Variants in SMAD3 observed in about 807,000 individuals in gnomAD.
SMAD3 encodes SMAD family member 3.
In SMAD3, 12 loss-of-function variants were observed where a neutral mutation model predicts 51.8. The observed-to-expected ratio is 0.23, with a 90% CI of 0.15 to 0.38. The LOEUF is 0.38. Ranked by LOEUF, SMAD3 falls within the 10% of genes least tolerant of loss-of-function variation. The probability of loss-of-function intolerance (pLI) is 1.00; values close to 1 mark genes in which losing one functional copy is unlikely to be tolerated. For missense variants in SMAD3, 294 were observed against 565.6 expected, an observed-to-expected ratio of 0.52 and a Z score of 4.87; for synonymous variants, 238 against 227.7, an observed-to-expected ratio of 1.05 and a Z score of -0.41.
At chr15:67,090,444 C>T (rs967938499) in intron 1 of SMAD3, among the ~76,000 whole-genome samples, 10 of 152,130 alleles carry the variant, frequency 6.6e-5, no homozygotes, top group African/African-American at 2.4e-4. Context: ...TCTAGCCCAA[C>T]CCCATCATTG....
At chr15:67,171,345 G>A (rs1962747298) in intron 5 of SMAD3, among the ~76,000 whole-genome samples, 2 of 152,186 alleles carry the variant, frequency 1.3e-5, no homozygotes, top group South Asian at 4.1e-4. Context: ...TGCTGGGTCA[G>A]TTTTTCCAAG....
At chr15:67,071,052 G>T (rs759403614) in intron 1 of SMAD3, among the ~76,000 whole-genome samples, 3 of 152,306 alleles carry the variant, frequency 2.0e-5, no homozygotes, top group Non-Finnish European at 4.4e-5. Context: ...TCCCTGTCTA[G>T]AGCGGGAGAC....
At chr15:67,178,200 T>G (rs1490196151) in intron 5 of SMAD3, among the ~76,000 whole-genome samples, 1 of 152,194 alleles carries the variant, frequency 6.6e-6, no homozygotes, top group African/African-American at 2.4e-5. Context: ...TGTCTTTGAT[T>G]CTGAGGGTCC....
intron 1 of SMAD3, among the ~76,000 whole-genome samples, chr15:67,077,800 C>T (rs1173077756): frequency 6.6e-6 from 1 of 152,132 alleles, no homozygotes; most frequent in Non-Finnish European, 1.5e-5. Flanking sequence ...GAAGGCAAGA[C>T]AGTTTAGGGT....
At chr15:67,083,483 C>A (rs1420121955) in intron 1 of SMAD3, among the ~76,000 whole-genome samples, 1 of 152,184 alleles carries the variant, frequency 6.6e-6, no homozygotes. Context: ...TTTTAAATGT[C>A]ATCTTTTGGC....
At chr15:67,074,897 T>A (rs992236673) in intron 1 of SMAD3, among the ~76,000 whole-genome samples, 1 of 152,152 alleles carries the variant, frequency 6.6e-6, no homozygotes, top group Non-Finnish European at 1.5e-5. Flanking sequence ...ACTCCAGTAT[T>A]AAGAAACACT....
intron 1 of SMAD3, among the ~76,000 whole-genome samples, chr15:67,150,518 C>T (rs1263659664): frequency 2.0e-5 from 3 of 152,200 alleles, no homozygotes; most frequent in Admixed American, 1.3e-4. Context: ...CACCCCCAAG[C>T]GTGCAGTCTG....
intron 1 of SMAD3, among the ~76,000 whole-genome samples, chr15:67,078,508 C>T (rs533244693): frequency 3.1e-4 from 47 of 152,312 alleles, no homozygotes; most frequent in African/African-American, 1.1e-3. Flanking sequence ...GATTATATTC[C>T]TTAATGAGAG....
chr15:67,170,683 C>T (rs1406103984), intron 5 of SMAD3, 79 bp downstream of exon 5: 5 of 1,288,852 alleles, frequency 3.9e-6, no homozygotes, highest in Non-Finnish European at 5.6e-6. Flanking sequence ...GGAGGGGGCC[C>T]TGAAGGTAAG....
rs535952945 is a variant in SMAD3 at position 67,158,658 on chromosome 15, G to T, written c.207-6237G>T. On this transcript the variant is annotated intron_variant, in intron 1 of 8. Coordinates refer to ENST00000327367, the MANE Select transcript of SMAD3 (RefSeq NM_005902.4). ...ATGCACTTTGCCTCTCCAAGGTATG[G>T]GTGTATGGTGAGGTGGGACCATTGT... Among the ~76,000 whole-genome samples, 3 of 152,322 alleles carry T rather than the reference G, an allele frequency of 2.0e-5. No homozygotes were observed. In the South Asian group the frequency reaches 6.2e-4, roughly 32 times the overall value.
At chr15:67,165,689 C>T (rs1397825739) in intron 3 of SMAD3, among the ~76,000 whole-genome samples, 1 of 152,230 alleles carries the variant, frequency 6.6e-6, no homozygotes, top group East Asian at 1.9e-4. Flanking sequence ...CTCTCACCGC[C>T]CTTGAGGCCC....
intron 1 of SMAD3, among the ~76,000 whole-genome samples, chr15:67,092,261 A>G (rs919164332): frequency 2.0e-5 from 3 of 152,248 alleles, no homozygotes; most frequent in Admixed American, 6.5e-5. Flanking sequence ...TTGGACCAGC[A>G]CAGGGTGCAA....
At chr15:67,068,678 G>C (rs1459717615) in intron 1 of SMAD3, among the ~76,000 whole-genome samples, 1 of 151,852 alleles carries the variant, frequency 6.6e-6, no homozygotes, top group Non-Finnish European at 1.5e-5. Flanking sequence ...AAACCCAGTT[G>C]CTTGGGTGGA....
chr15:67,164,597 G>A (rs923895578), intron 1 of SMAD3, among the ~76,000 whole-genome samples: 1 of 152,194 alleles, frequency 6.6e-6, no homozygotes, highest in Non-Finnish European at 1.5e-5. Flanking sequence ...CTGAAGTGCG[G>A]GCCCTTCCCA....
intron 1 of SMAD3, among the ~76,000 whole-genome samples, chr15:67,136,307 C>T (rs1417550386): frequency 6.6e-6 from 1 of 151,648 alleles, no homozygotes; most frequent in South Asian, 2.1e-4. Context: ...TGTGAGGAAA[C>T]ACATCCCAGA....
At chr15:67,129,584 G>A (rs1175904637) in intron 1 of SMAD3, among the ~76,000 whole-genome samples, 1 of 152,138 alleles carries the variant, frequency 6.6e-6, no homozygotes, top group Non-Finnish European at 1.5e-5. Context: ...ATAGAGTTTG[G>A]TACTGTCTCT....
At chr15:67,178,083 C>T (rs1400222139) in intron 5 of SMAD3, among the ~76,000 whole-genome samples, 1 of 152,146 alleles carries the variant, frequency 6.6e-6, no homozygotes, top group Non-Finnish European at 1.5e-5. Flanking sequence ...TTCCTAGTGT[C>T]CGGGGTTTTC....
intron 1 of SMAD3, among the ~76,000 whole-genome samples, chr15:67,126,973 C>G (rs1240212116): frequency 6.6e-6 from 1 of 152,190 alleles, no homozygotes; most frequent in Non-Finnish European, 1.5e-5. Context: ...GAGGGCAGCT[C>G]TTACGGCCAC....
chr15:67,102,265 T>TGTGTGTGTGTGTGC (rs1294202526), intron 1 of SMAD3, among the ~76,000 whole-genome samples: 8 of 151,068 alleles, frequency 5.3e-5, no homozygotes, highest in Non-Finnish European at 7.4e-5. Flanking sequence ...TGTGTGTGTG[T>TGTGTGTGTGTGTGC]GTGCGGTGTG....
Sources: gnomAD v4.1 joint callset for allele counts (sites outside exome capture counted in the v4.1 genomes callset) on GRCh38, gnomAD v4.1.1 for gene constraint, MANE v1.5 for transcripts, NCBI Gene and HGNC (gene_info 2026-07-23, HGNC 2026-07-21) for gene names.